NR2F1-AS1: variants seen among roughly 807,000 people sequenced by gnomAD.
NR2F1-AS1 encodes NR2F1 regulatory antisense RNA 1, also known as NR2F1 antisense RNA 1.
At chr5:93,477,061 C>T (rs1457089438) in intron 4 of NR2F1-AS1, among the ~76,000 whole-genome samples, 4 of 151,958 alleles carry the variant, frequency 2.6e-5, no homozygotes, top group African/African-American at 7.2e-5. Context: ...AGTGAAACTT[C>T]GGGGAAATAT....
upstream of NR2F1-AS1, chr5:93,585,401 G>T: frequency 6.2e-7 from 1 of 1,614,092 alleles, no homozygotes; most frequent in Non-Finnish European, 8.5e-7. Context: ...GTGCCAACAG[G>T]AACTGTCCCA....
intron 1 of NR2F1-AS1, among the ~76,000 whole-genome samples, chr5:93,573,849 T>C (rs1444103959): frequency 2.6e-5 from 4 of 152,192 alleles, no homozygotes; most frequent in South Asian, 2.1e-4. Context: ...TGCAAGGGGC[T>C]GGGGCGGCTT....
intron 4 of NR2F1-AS1, among the ~76,000 whole-genome samples, chr5:93,528,866 T>C (rs895547003): frequency 7.4e-6 from 1 of 134,736 alleles, no homozygotes; most frequent in South Asian, 2.4e-4. Flanking sequence ...CATGGACACA[T>C]GGAGGGGAAC....
chr5:93,571,630 T>G (rs927927142), intron 1 of NR2F1-AS1, among the ~76,000 whole-genome samples: 6 of 151,908 alleles, frequency 3.9e-5, no homozygotes, highest in Non-Finnish European at 7.4e-5. Flanking sequence ...TTATGTGAGC[T>G]CAGGGAGGAA....
At chr5:93,483,554 C>T (rs565333179) in intron 4 of NR2F1-AS1, among the ~76,000 whole-genome samples, 1 of 152,254 alleles carries the variant, frequency 6.6e-6, no homozygotes, top group East Asian at 1.9e-4. Flanking sequence ...TCCAAAGGAT[C>T]ACTACTCCTC....
At chr5:93,443,017 G>A (rs190246850) in intron 4 of NR2F1-AS1, among the ~76,000 whole-genome samples, 152 of 152,144 alleles carry the variant, frequency 1.0e-3, no homozygotes, top group Middle Eastern at 6.8e-3. Flanking sequence ...CAGAAAGGAC[G>A]TCCACACCAA....
chr5:93,502,474 G>C (rs1751104963), intron 4 of NR2F1-AS1, among the ~76,000 whole-genome samples: 2 of 152,170 alleles, frequency 1.3e-5, no homozygotes, highest in Admixed American at 6.5e-5. Flanking sequence ...CGTAGAAACT[G>C]AACCTAGGGG....
At chr5:93,409,616 C>T (rs1222141328) in intron 4 of NR2F1-AS1, 6 of 152,320 alleles carry the variant, frequency 3.9e-5, no homozygotes, top group South Asian at 2.1e-4. Context: ...TCCAGTATCA[C>T]GACCAGGAGT....
At chr5:93,554,068 C>G (rs537165237) in intron 3 of NR2F1-AS1, among the ~76,000 whole-genome samples, 10 of 152,244 alleles carry the variant, frequency 6.6e-5, no homozygotes, top group African/African-American at 2.4e-4. Flanking sequence ...CTATATATTA[C>G]TTACCTAAAT....
chr5:93,569,912 T>C (rs1752706533), intron 1 of NR2F1-AS1: 1 of 152,234 alleles, frequency 6.6e-6, no homozygotes, highest in Non-Finnish European at 1.5e-5. Flanking sequence ...GCAGCGCCTC[T>C]AGTGCAACAT....
At chr5:93,436,978 T>C (rs1749445627) in intron 4 of NR2F1-AS1, among the ~76,000 whole-genome samples, 2 of 150,906 alleles carry the variant, frequency 1.3e-5, no homozygotes, top group Admixed American at 1.3e-4. Context: ...GTGAAACTCA[T>C]TATCTCCAAA....
At chr5:93,492,580 C>A (rs73133258) in intron 4 of NR2F1-AS1, among the ~76,000 whole-genome samples, 30,305 of 151,934 alleles carry the variant, frequency 0.2, 4,535 homozygotes, top group African/African-American at 0.43. Context: ...AGTCAAAGAC[C>A]TCAAAAGAAA....
At chr5:93,465,688 T>C (rs1750213902) in intron 4 of NR2F1-AS1, among the ~76,000 whole-genome samples, 1 of 152,062 alleles carries the variant, frequency 6.6e-6, no homozygotes, top group South Asian at 2.1e-4. Context: ...ATGCCATCAA[T>C]GATAGACTGG....
upstream of NR2F1-AS1, chr5:93,583,714 TAGCAGAAGA>T (rs904405787): frequency 2.0e-5 from 3 of 152,188 alleles, no homozygotes; most frequent in South Asian, 2.1e-4. Flanking sequence ...CTGTGTGTTA[TAGCAGAAGA>T]AGCAGAAGAA....
chr5:93,541,881 T>C (rs1388179200), intron 4 of NR2F1-AS1: 1 of 151,890 alleles, frequency 6.6e-6, no homozygotes, highest in Non-Finnish European at 1.5e-5. Context: ...ACACATTAAA[T>C]AATATTTTAA....
chr5:93,483,021 C>T (rs1217369719), intron 4 of NR2F1-AS1, among the ~76,000 whole-genome samples: 1 of 152,208 alleles, frequency 6.6e-6, no homozygotes, highest in African/African-American at 2.4e-5. Context: ...GTGGGTGCAG[C>T]TTCAGCAGAC....
At chr5:93,574,896 G>C (rs1752861554) in intron 1 of NR2F1-AS1, among the ~76,000 whole-genome samples, 1 of 152,196 alleles carries the variant, frequency 6.6e-6, no homozygotes, top group African/African-American at 2.4e-5. Context: ...TATTCACTAG[G>C]AAACCCGGGG....
chr5:93,539,100 G>A (rs1045101958), intron 4 of NR2F1-AS1, among the ~76,000 whole-genome samples: 23 of 152,212 alleles, frequency 1.5e-4, no homozygotes, highest in East Asian at 3.9e-4. Flanking sequence ...CCAACATGGC[G>A]AAACCCATCT....
chr5:93,580,273 T>C (rs1185611648), intron 1 of NR2F1-AS1, among the ~76,000 whole-genome samples: 1 of 152,234 alleles, frequency 6.6e-6, no homozygotes, highest in Non-Finnish European at 1.5e-5. Context: ...GATCCTCGCC[T>C]TAGCGCTACG....
Sources: gnomAD v4.1 joint callset for allele counts (sites outside exome capture counted in the v4.1 genomes callset) on GRCh38, gnomAD v4.1.1 for gene constraint, MANE v1.5 for transcripts, NCBI Gene and HGNC (gene_info 2026-07-23, HGNC 2026-07-21) for gene names.